The following ERC2 variants were observed in gnomAD, a reference collection of about 807,000 sequenced individuals.
ERC2 encodes ELKS/RAB6-interacting/CAST family member 2, also known as ERC protein 2.
ERC2 carries 42 observed loss-of-function variants against 114.8 expected under a neutral mutation model. The observed-to-expected ratio is 0.37, with a 90% CI of 0.29 to 0.47. ERC2 has a LOEUF of 0.47. Ranked by LOEUF, ERC2 falls within the 20% of genes least tolerant of loss-of-function variation. The pLI is 0.99. For synonymous variants in ERC2, 454 were observed against 425.5 expected (o/e 1.07, Z -0.82); for missense variants, 939 against 1,150.7 (o/e 0.82, Z 2.66).
At chr3:55,699,315 A>G in intron 16 of ERC2, 63 bp downstream of exon 16, 1 of 1,592,776 alleles carries the variant, frequency 6.3e-7, no homozygotes, top group Non-Finnish European at 8.6e-7. Context: ...AGGATTATTT[A>G]TTTTATCTTA....
chr3:56,191,931 A>T (rs565924583), intron 3 of ERC2, among the ~76,000 whole-genome samples: 3 of 152,262 alleles, frequency 2.0e-5, no homozygotes, highest in East Asian at 3.9e-4. Context: ...TTTTATTTGC[A>T]TTAGAACACT....
intron 2 of ERC2, among the ~76,000 whole-genome samples, chr3:56,369,566 C>T (rs1016617469): frequency 6.6e-6 from 1 of 152,244 alleles, no homozygotes; most frequent in Non-Finnish European, 1.5e-5. Context: ...CTAGAGGAGA[C>T]TCTTAGAGAT....
intron 17 of ERC2, among the ~76,000 whole-genome samples, chr3:55,601,402 G>C (rs957898348): frequency 6.6e-6 from 1 of 152,182 alleles, no homozygotes; most frequent in Non-Finnish European, 1.5e-5. Flanking sequence ...TCAGCAAGTA[G>C]AAACCTAGGT....
intron 3 of ERC2, among the ~76,000 whole-genome samples, chr3:56,209,433 C>G (rs2048930048): frequency 6.6e-6 from 1 of 152,208 alleles, no homozygotes; most frequent in African/African-American, 2.4e-5. Flanking sequence ...CCAGAGGGAA[C>G]AGGCAGGTTG....
chr3:56,011,230 C>T (rs1044469923), intron 8 of ERC2, among the ~76,000 whole-genome samples: 20 of 152,340 alleles, frequency 1.3e-4, no homozygotes, highest in Middle Eastern at 3.4e-3. Context: ...ATCCAAAACA[C>T]TGGCTGAGTT....
At chr3:55,637,965 A>C (rs1323899519) in intron 17 of ERC2, among the ~76,000 whole-genome samples, 1 of 152,208 alleles carries the variant, frequency 6.6e-6, no homozygotes, top group Non-Finnish European at 1.5e-5. Flanking sequence ...CTTTTAGCCC[A>C]AGGTCAGAAA....
At chr3:56,088,170 G>C (rs775465217) in intron 6 of ERC2, among the ~76,000 whole-genome samples, 14 of 152,124 alleles carry the variant, frequency 9.2e-5, no homozygotes, top group Non-Finnish European at 1.8e-4. Flanking sequence ...GGAGATACAA[G>C]ATGGCAGAAC....
intron 14 of ERC2, among the ~76,000 whole-genome samples, chr3:55,784,506 G>T (rs766940378): frequency 6.6e-5 from 10 of 152,178 alleles, no homozygotes; most frequent in Non-Finnish European, 1.2e-4. Flanking sequence ...TTGTGACGTT[G>T]AAATTCTTTA....
At chr3:55,514,170 G>A (rs1240359668) in intron 17 of ERC2, among the ~76,000 whole-genome samples, 2 of 152,206 alleles carry the variant, frequency 1.3e-5, no homozygotes, top group Non-Finnish European at 1.5e-5. Flanking sequence ...GCTGAGGTGG[G>A]TGGATATTTT....
At chr3:56,332,292 G>C (rs375723094) in intron 2 of ERC2, among the ~76,000 whole-genome samples, 1 of 152,130 alleles carries the variant, frequency 6.6e-6, no homozygotes. Context: ...AAGCATCCAA[G>C]CTCATACAAT....
intron 12 of ERC2, among the ~76,000 whole-genome samples, chr3:55,972,056 A>G (rs747973977): frequency 6.6e-6 from 1 of 152,108 alleles, no homozygotes; most frequent in Non-Finnish European, 1.5e-5. Context: ...CCTGATGCCA[A>G]TCTATGTACC....
chr3:55,727,932 C>T (rs75214368), intron 15 of ERC2, among the ~76,000 whole-genome samples: 2,840 of 152,222 alleles, frequency 0.019, 87 homozygotes, highest in African/African-American at 0.065. Flanking sequence ...GGGCGTGGTG[C>T]CATTTTGTGG....
At chr3:55,649,706 G>A (rs1247163123) in intron 17 of ERC2, among the ~76,000 whole-genome samples, 1 of 152,182 alleles carries the variant, frequency 6.6e-6, no homozygotes, top group Non-Finnish European at 1.5e-5. Flanking sequence ...GCTAGCTCTG[G>A]TGAACAGCTC....
At chr3:55,570,443 A>T (rs2056639591) in intron 17 of ERC2, among the ~76,000 whole-genome samples, 1 of 152,182 alleles carries the variant, frequency 6.6e-6, no homozygotes. Context: ...GTGACAAAGT[A>T]ACCTGACGAG....
chr3:55,993,588 CAT>C (rs1455918440), intron 10 of ERC2, among the ~76,000 whole-genome samples: 1 of 151,454 alleles, frequency 6.6e-6, no homozygotes, highest in Non-Finnish European at 1.5e-5. Flanking sequence ...TTGCATGTAA[CAT>C]ATTATTTAAG....
At chr3:56,381,742 T>C (rs1340209449) in intron 2 of ERC2, among the ~76,000 whole-genome samples, 1 of 140,406 alleles carries the variant, frequency 7.1e-6, no homozygotes, top group Non-Finnish European at 1.5e-5. Context: ...AGAAAAAAAG[T>C]AAGGTGGAAA....
chr3:55,888,775 G>T (rs2063475869), intron 13 of ERC2, among the ~76,000 whole-genome samples: 1 of 152,078 alleles, frequency 6.6e-6, no homozygotes, highest in Admixed American at 6.6e-5. Context: ...GGCTGGGAGG[G>T]GGTTGAGGGA....
chr3:55,704,161 T>C (rs868733063), intron 15 of ERC2, among the ~76,000 whole-genome samples: 1 of 152,220 alleles, frequency 6.6e-6, no homozygotes, highest in South Asian at 2.1e-4. Flanking sequence ...CCAACTCTTT[T>C]GACATTTCTG....
At chr3:55,838,146 C>A (rs1334901221) in intron 14 of ERC2, among the ~76,000 whole-genome samples, 1 of 151,726 alleles carries the variant, frequency 6.6e-6, no homozygotes, top group Non-Finnish European at 1.5e-5. Context: ...CAATAAGCAA[C>A]AGAATAAGTA....
Sources: allele counts gnomAD v4.1 joint callset (sites outside exome capture counted in the v4.1 genomes callset), GRCh38; gene constraint gnomAD v4.1.1; transcripts MANE v1.5; gene names NCBI Gene and HGNC (gene_info 2026-07-23, HGNC 2026-07-21).